Variants in TSPAN17 observed in about 807,000 individuals in gnomAD.
The protein encoded by TSPAN17 is tetraspanin 17, also known as tetraspanin-17.
In TSPAN17, 33 loss-of-function variants were observed where a neutral mutation model predicts 40.5. The ratio of observed to expected loss-of-function variants is 0.81; its 90% CI spans 0.62 to 1.09. The LOEUF is 1.09. TSPAN17 is among the 50% of genes least tolerant of loss of function. The pLI is 0.00. For synonymous variants in TSPAN17, 166 were observed against 169.4 expected (o/e 0.98, Z 0.15); for missense variants, 365 against 416.8 (o/e 0.88, Z 1.08).
chr5:176,648,145 T>A (rs1218863525), intron 1 of TSPAN17, among the ~76,000 whole-genome samples: 1 of 152,146 alleles, frequency 6.6e-6, no homozygotes, highest in African/African-American at 2.4e-5. Context: ...CTCCTTTCCC[T>A]TCCAGTAGTA....
chr5:176,647,755 G>T, intron 1 of TSPAN17, 53 bp downstream of exon 1: 2 of 1,499,196 alleles, frequency 1.3e-6, no homozygotes, highest in Non-Finnish European at 1.8e-6. Flanking sequence ...GGGAGAGGGA[G>T]ATTCAGTCTT....
intron 1 of TSPAN17, among the ~76,000 whole-genome samples, chr5:176,649,114 T>C (rs1028491917): frequency 6.6e-6 from 1 of 151,978 alleles, no homozygotes; most frequent in African/African-American, 2.4e-5. Context: ...ATCTGGCTTC[T>C]GTTCTGGAGA....
intron 1 of TSPAN17, among the ~76,000 whole-genome samples, chr5:176,648,076 C>T (rs1760814371): frequency 6.6e-6 from 1 of 152,214 alleles, no homozygotes; most frequent in Admixed American, 6.5e-5. Context: ...AGCCCCACCC[C>T]TGGTTTAGCC....
intron 3 of TSPAN17, 24 bp from the exon 4 acceptor site, chr5:176,652,719 T>A (rs765953175): frequency 6.2e-7 from 1 of 1,613,056 alleles, no homozygotes; most frequent in Non-Finnish European, 8.5e-7. Flanking sequence ...TTCCAACCCC[T>A]ACTGTCTGTA....
rs1425931576 is a variant in TSPAN17, at chr5:176,647,621, C to G, written c.6C>G (p.Pro2=). The change falls in exon 1 of 9, where the codon CCC becomes CCG. Residue 2 remains proline (P), a synonymous_variant. Transcript: ENST00000508164. ...CCGGCGGGTGGCCGCTCACCATGCCCGGCAAGCACCAGCATTTCCAGGAAC... is the reference window on the plus strand; with the variant it reads ...CCGGCGGGTGGCCGCTCACCATGCCGGGCAAGCACCAGCATTTCCAGGAAC... M[P]GKHQHFQEPE... The G allele has an allele frequency of 5.1e-6, 8 of 1,576,824 alleles. No homozygotes were observed. The highest frequency in any genetic ancestry group is 6.0e-6 in the Non-Finnish European group (7 of 1,163,676).
At position 176,655,036 on chromosome 5, in the gene TSPAN17, G is replaced by A. The variant is rs775912580; in HGVS notation, c.582+16G>A. The A allele has an allele frequency of 2.5e-6, 4 of 1,593,018 alleles. No individual in the cohort carries two copies. Among genetic ancestry groups the A allele is most frequent in the South Asian group, 1.1e-5 (1 of 88,266 alleles). On this transcript the variant is annotated intron_variant, in intron 5 of 8. Coordinates refer to ENST00000508164, the MANE Select transcript of TSPAN17 (RefSeq NM_130465.5). Reference sequence around the variant, plus strand: ...GGACCCTGCGGTGAGTGGGGCTGGGGGAGGAGAGGTAAGGGACTTTCCAGT... The same window carrying A: ...GGACCCTGCGGTGAGTGGGGCTGGGAGAGGAGAGGTAAGGGACTTTCCAGT...
intron 3 of TSPAN17, among the ~76,000 whole-genome samples, chr5:176,652,175 A>T (rs1760994375): frequency 6.6e-6 from 1 of 152,002 alleles, no homozygotes. Context: ...CCACAGTTTC[A>T]CTTGGCCTGG....
rs1221593806 is a variant in TSPAN17, at chr5:176,650,311, TCCCTCCAGGAACACAG to T, written c.88-1292_88-1277del. ...AGGCCGTGGGACCAGCCACAGGTGG[TCCCTCCAGGAACACAG>T]CCCTCCAGGAACTCCTGCTGGAGGC... On this transcript the variant is annotated intron_variant, in intron 1 of 8. Transcript: ENST00000508164. The surrounding 1 kb of genome is among the most constrained non-coding windows in gnomAD (Gnocchi z 4.0). Among the ~76,000 whole-genome samples the T allele has an allele frequency of 2.0e-5, 3 of 152,010 alleles. No homozygotes were observed. Among genetic ancestry groups the T allele is most frequent in the Non-Finnish European group, 2.9e-5 (2 of 67,996 alleles).
Position 176,650,673 on chromosome 5 carries a change from C to T in TSPAN17, c.88-943C>T, listed in dbSNP as rs954740450. ...AGAATAGAGCAGTGTGGGGAGCCCACGGTCAGGGAAGGGAAGGTGATAAAG... is the reference window on the plus strand; with the variant it reads ...AGAATAGAGCAGTGTGGGGAGCCCATGGTCAGGGAAGGGAAGGTGATAAAG... On this transcript the variant is annotated intron_variant, in intron 1 of 8. Coordinates refer to ENST00000508164, the MANE Select transcript of TSPAN17 (RefSeq NM_130465.5). The surrounding 1 kb of genome is among the most constrained non-coding windows in gnomAD (Gnocchi z 4.0). 6.6e-6 allele frequency among the ~76,000 whole-genome samples: 1 copy of T among 152,086 alleles called. No homozygotes were observed. Among genetic ancestry groups the T allele is most frequent in the African/African-American group, 2.4e-5 (1 of 41,410 alleles).
chr5:176,651,292 G>C lies in TSPAN17; in HGVS notation c.88-324G>C, dbSNP rs910304247. Among the ~76,000 whole-genome samples, 1 of 151,998 alleles carries C rather than the reference G, an allele frequency of 6.6e-6. No individual in the cohort carries two copies. Among genetic ancestry groups the C allele is most frequent in the Non-Finnish European group, 1.5e-5 (1 of 67,972 alleles). ...AGGTGTAGAGGCTCAGTATACTGGC[G>C]CCGTCGCTACCCCCGCTGACACAGC... On this transcript the variant is annotated intron_variant, in intron 1 of 8. Coordinates refer to ENST00000508164, the MANE Select transcript of TSPAN17 (RefSeq NM_130465.5). The surrounding 1 kb of genome is among the most constrained non-coding windows in gnomAD (Gnocchi z 4.5).
chr5:176,657,250 A>G, intron 8 of TSPAN17: 1 of 646,470 alleles, frequency 1.5e-6, no homozygotes, highest in South Asian at 2.0e-5. Flanking sequence ...CCAGGGGACT[A>G]GGAAGGGCGC....
rs532254015 is a variant in TSPAN17, at chr5:176,647,564, G to A, written c.-52G>A. 101 of 1,505,290 alleles carry A rather than the reference G, an allele frequency of 6.7e-5. No individual in the cohort carries two copies. The African/African-American group carries it at 1.1e-3, about 17-fold the overall frequency. The allele number at this position is 1,505,290 out of a possible 1,614,324, so 93.2% of individuals were successfully genotyped here. A position where few individuals can be genotyped will look rare whatever the true frequency, so the allele number is the denominator to read the frequency against. ...TCTAGCCCAGGGCGGCCCGCGGGGC[G>A]CTGGGCCTGGCTCCCGGCTCCGGTT... is the stretch of plus-strand genomic sequence containing the variant. On this transcript the variant is annotated 5_prime_UTR_variant, in exon 1 of 9. Coordinates refer to ENST00000508164, the MANE Select transcript of TSPAN17 (RefSeq NM_130465.5).
At position 176,647,607 on chromosome 5, in the gene TSPAN17, C is replaced by A; in HGVS notation, c.-9C>A. The A allele has an allele frequency of 6.4e-7, 1 of 1,553,714 alleles. No homozygotes were observed. Among genetic ancestry groups the A allele is most frequent in the Non-Finnish European group, 8.7e-7 (1 of 1,153,398 alleles). On this transcript the variant is annotated 5_prime_UTR_variant, in exon 1 of 9. Transcript: ENST00000508164. ...CTCCGGTTTCCGGGCCGGCGGGTGG[C>A]CGCTCACCATGCCCGGCAAGCACCA...
Position 176,651,915 on chromosome 5 carries a change from C to G in TSPAN17, c.285+15C>G, listed in dbSNP as rs1167955731. 1 of 1,613,352 alleles carries G rather than the reference C, an allele frequency of 6.2e-7. No homozygotes were observed. Among genetic ancestry groups the G allele is most frequent in the Non-Finnish European group, 8.5e-7 (1 of 1,179,794 alleles). ...TGCTCAAGTTTGTGAGTGCTGCCCT[C>G]AAGATCCCCTGGGAACCCCCATCTC... On this transcript the variant is annotated intron_variant, in intron 3 of 8. Coordinates refer to ENST00000508164, the MANE Select transcript of TSPAN17 (RefSeq NM_130465.5). The surrounding 1 kb of genome is among the most constrained non-coding windows in gnomAD (Gnocchi z 4.5).
At chr5:176,655,203 T>C (rs1174356509) in intron 5 of TSPAN17, among the ~76,000 whole-genome samples, 183 bp downstream of exon 5, 1 of 152,198 alleles carries the variant, frequency 6.6e-6, no homozygotes, top group Non-Finnish European at 1.5e-5. Context: ...CAGCAAGACC[T>C]GTCTTTTTTA....
chr5:176,653,696 A>C (rs1019718536), intron 4 of TSPAN17: 1 of 152,244 alleles, frequency 6.6e-6, no homozygotes, highest in Non-Finnish European at 1.5e-5. Flanking sequence ...ACCAAGAGTC[A>C]GCTCTGGATC....
intron 4 of TSPAN17, chr5:176,653,736 C>T (rs554461303): frequency 2.0e-5 from 3 of 152,274 alleles, no homozygotes; most frequent in African/African-American, 7.2e-5. Context: ...GTGCCTGCTT[C>T]AAGCAGCTCT....
chr5:176,654,502 T>A lies in TSPAN17; in HGVS notation c.457-393T>A. The A allele has an allele frequency of 4.8e-6, 1 of 207,036 alleles. No individual in the cohort carries two copies. Among genetic ancestry groups the A allele is most frequent in the Non-Finnish European group, 9.9e-6 (1 of 101,096 alleles). The allele number at this position is 207,036 out of a possible 1,614,324, so 12.8% of individuals were successfully genotyped here. A position where few individuals can be genotyped will look rare whatever the true frequency, so the allele number is the denominator to read the frequency against. ...CCCTGCACTGAAGAGAGGAGGGCTT[T>A]GTAGAACCTCTGGGGCAAGTGTGGG... On this transcript the variant is annotated intron_variant, in intron 4 of 8. Coordinates refer to ENST00000508164, the MANE Select transcript of TSPAN17 (RefSeq NM_130465.5). This position sits in a 1 kb window ranked among gnomAD's most constrained non-coding sequence, Gnocchi z 4.3.
Position 176,656,931 on chromosome 5 carries a change from G to A in TSPAN17, c.784G>A (p.Asp262Asn). ...CTGCCTGGCCCAGAACCTCGTGAGT[G>A]ACATCAAGGCAGTGAAAGCCAACTG... ...GICLAQNLVSDIKAVKANWSK... is the reference protein window; with the variant it reads ...GICLAQNLVSNIKAVKANWSK... The change falls in exon 8 of 9, where the codon GAC (aspartate) becomes AAC (asparagine). Residue 262 changes from aspartate to asparagine, a missense_variant. By Grantham distance (23) the Asp-to-Asn change is conservative. Coordinates refer to ENST00000508164, the MANE Select transcript of TSPAN17 (RefSeq NM_130465.5). The A allele has an allele frequency of 6.2e-7, 1 of 1,614,084 alleles. No homozygotes were observed. Among genetic ancestry groups the A allele is most frequent in the Non-Finnish European group, 8.5e-7 (1 of 1,179,992 alleles).
Sources: gnomAD v4.1 joint callset for allele counts (sites outside exome capture counted in the v4.1 genomes callset) on GRCh38, gnomAD v4.1.1 for gene constraint, Gnocchi (gnomAD v3.1) non-coding constraint, MANE v1.5 for transcripts, NCBI Gene and HGNC (gene_info 2026-07-23, HGNC 2026-07-21) for gene names.